BAZ1A: variants seen among roughly 807,000 people sequenced by gnomAD.
BAZ1A encodes the protein bromodomain adjacent to zinc finger domain protein 1A.
A neutral mutation model predicts 185.2 loss-of-function variants in BAZ1A; 50 were observed. That is an observed-to-expected ratio of 0.27 (90% CI 0.22 to 0.34). BAZ1A has a LOEUF of 0.34. Among genes scored for constraint, BAZ1A ranks in the 10% least tolerant of loss-of-function variants. The pLI, the probability that BAZ1A is intolerant of heterozygous loss-of-function variation, is 1.00. For missense variants in BAZ1A, 1,356 were observed against 1,839.9 expected (o/e 0.74, Z 4.81); for synonymous variants, 571 against 615.6 (o/e 0.93, Z 1.07).
In BAZ1A at chr14:34,861,173, G is replaced by A. The variant is rs534688050; in HGVS notation, c.392+871C>T. Among the ~76,000 whole-genome samples the A allele has an allele frequency of 2.6e-5, 4 of 152,136 alleles. No homozygotes were observed. In the South Asian group the frequency reaches 8.3e-4, roughly 32 times the overall value. On this transcript the variant is annotated intron_variant, in intron 3 of 26. Coordinates refer to ENST00000360310, the MANE Select transcript of BAZ1A (RefSeq NM_013448.3). ...AAATTTGTATTCAGGTCAATAATGG[G>A]GGCAGGGCATCCAAAAAACAGTTAA...
intron 4 of BAZ1A, 67 bp from the exon 5 acceptor site, chr14:34,811,103 C>A: frequency 8.6e-7 from 1 of 1,165,108 alleles, no homozygotes; most frequent in Non-Finnish European, 1.2e-6. Flanking sequence ...AAATGAAAAC[C>A]TAGTTTCTAA....
chr14:34,860,036 G>A (rs1326112031), intron 3 of BAZ1A, among the ~76,000 whole-genome samples: 1 of 152,094 alleles, frequency 6.6e-6, no homozygotes, highest in Non-Finnish European at 1.5e-5. Flanking sequence ...AACTAATAAA[G>A]TACTGTTCTC....
chr14:34,846,111 C>T (rs1341517597), intron 3 of BAZ1A, among the ~76,000 whole-genome samples: 3 of 152,114 alleles, frequency 2.0e-5, no homozygotes, highest in African/African-American at 7.2e-5. Flanking sequence ...CCACTGATAA[C>T]TAAGAACTTC....
chr14:34,759,184 T>TTTTGTTGTTTTTG, intron 24 of BAZ1A, among the ~76,000 whole-genome samples: 1 of 108,108 alleles, frequency 9.3e-6, no homozygotes, highest in East Asian at 2.8e-4. Context: ...TTTTTTTTTT[T>TTTTGTTGTTTTTG]TTTTTTTTTT....
intron 17 of BAZ1A, among the ~76,000 whole-genome samples, chr14:34,779,524 A>T (rs1004220051): frequency 2.0e-5 from 3 of 152,168 alleles, no homozygotes; most frequent in Non-Finnish European, 4.4e-5. Context: ...GAAATTTTCT[A>T]TCTACTTAGA....
At chr14:34,811,284 C>T (rs887430739) in intron 4 of BAZ1A, among the ~76,000 whole-genome samples, 6 of 152,006 alleles carry the variant, frequency 3.9e-5, no homozygotes, top group African/African-American at 1.4e-4. Flanking sequence ...AGCTGGGATA[C>T]AGGCATGCAC....
At chr14:34,825,955 A>G in intron 4 of BAZ1A, 58 bp downstream of exon 4, 4 of 1,447,660 alleles carry the variant, frequency 2.8e-6, no homozygotes, top group Non-Finnish European at 2.8e-6. Flanking sequence ...AAGTTATTTC[A>G]ATGGAATATC....
chr14:34,868,372 C>T (rs80025854), intron 2 of BAZ1A, among the ~76,000 whole-genome samples: 5 of 152,100 alleles, frequency 3.3e-5, no homozygotes, highest in South Asian at 2.1e-4. Flanking sequence ...TTCTTAAGAA[C>T]GCACCTGTAA....
chr14:34,834,699 C>G (rs2042301292), intron 3 of BAZ1A, among the ~76,000 whole-genome samples: 1 of 152,128 alleles, frequency 6.6e-6, no homozygotes, highest in Non-Finnish European at 1.5e-5. Context: ...TTATGTTACT[C>G]AAGATGCCAA....
intron 4 of BAZ1A, among the ~76,000 whole-genome samples, chr14:34,815,378 T>TA (rs2138687630): frequency 6.6e-6 from 1 of 152,340 alleles, no homozygotes; most frequent in African/African-American, 2.4e-5. Flanking sequence ...ATAATATTTT[T>TA]AAAAAACTTA....
chr14:34,861,815 T>C (rs753754661), intron 3 of BAZ1A, among the ~76,000 whole-genome samples: 1 of 152,226 alleles, frequency 6.6e-6, no homozygotes, highest in Non-Finnish European at 1.5e-5. Flanking sequence ...AGACACATGT[T>C]ATATATACAC....
In BAZ1A at chr14:34,756,464, C is replaced by CTTTTTTTTTTTTTTTTTT. The variant is rs1343693112; in HGVS notation, c.4387-1551_4387-1550insAAAAAAAAAAAAAAAAAA. ...GACACACTGCACCCAGCCAGAATAC[C>CTTTTTTTTTTTTTTTTTT]TATTTTTTTTTTTTTTTTTTTTTTT... On this transcript the variant is annotated intron_variant, in intron 25 of 26. Transcript: ENST00000360310. Among the ~76,000 whole-genome samples the CTTTTTTTTTTTTTTTTTT allele has an allele frequency of 5.6e-5, 6 of 107,168 alleles. 2 individuals carry two copies. The highest frequency in any genetic ancestry group is 3.6e-5 in the Non-Finnish European group (2 of 55,368). The allele number at this position is 107,168 out of a possible 152,430, so 70.3% of individuals were successfully genotyped here.
intron 4 of BAZ1A, among the ~76,000 whole-genome samples, chr14:34,824,451 T>C (rs920946271): frequency 2.3e-5 from 3 of 132,566 alleles, no homozygotes; most frequent in African/African-American, 8.2e-5. Flanking sequence ...AAAAGACTTA[T>C]ACAGGACCAT....
intron 3 of BAZ1A, among the ~76,000 whole-genome samples, chr14:34,854,974 G>A (rs2042652950): frequency 6.6e-6 from 1 of 152,138 alleles, no homozygotes; most frequent in Non-Finnish European, 1.5e-5. Context: ...AGCTACTCAG[G>A]AGGCTGGGGC....
chr14:34,870,469 T>C (rs2042933393), intron 2 of BAZ1A, among the ~76,000 whole-genome samples: 1 of 152,228 alleles, frequency 6.6e-6, no homozygotes, highest in South Asian at 2.1e-4. Context: ...AGTATAGGAA[T>C]TGGTCAGTAT....
At chr14:34,760,488 C>CTTTT (rs5807795) in intron 24 of BAZ1A, among the ~76,000 whole-genome samples, 2 of 139,590 alleles carry the variant, frequency 1.4e-5, no homozygotes, top group African/African-American at 2.7e-5. Flanking sequence ...AGAACAGTGG[C>CTTTT]TTTTTTTTTT....
intron 3 of BAZ1A, among the ~76,000 whole-genome samples, chr14:34,841,459 T>C (rs1489798908): frequency 6.6e-6 from 1 of 152,170 alleles, no homozygotes; most frequent in East Asian, 1.9e-4. Flanking sequence ...GGTGCAATCT[T>C]GGCTCACTTG....
Position 34,826,112 on chromosome 14 carries a change from T to C in BAZ1A, c.437A>G (p.Asn146Ser). ...ILEVLPPSHQ[N>S]GFANGHVNSV... is the part of the protein sequence containing the mutation. ...GTTAACATGTCCATTAGCAAAACCATTTTGATGTGATGGAGGGAGGACTTC... is the reference window on the plus strand; with the variant it reads ...GTTAACATGTCCATTAGCAAAACCACTTTGATGTGATGGAGGGAGGACTTC... Residue 146 changes from asparagine (N) to serine (S), a missense_variant, in exon 4 of 27, where the codon AAT (asparagine) becomes AGT (serine). Asn to Ser is a conservative substitution (Grantham distance 46). This residue lies in a region of BAZ1A where 332 missense variants were observed against 395.3 expected (regional missense o/e 0.84). Transcript: ENST00000360310. The C allele has an allele frequency of 6.2e-7, 1 of 1,612,760 alleles. No individual in the cohort carries two copies. Among genetic ancestry groups the C allele is most frequent in the Non-Finnish European group, 8.5e-7 (1 of 1,179,400 alleles).
Position 34,764,932 on chromosome 14 carries a change from G to C in BAZ1A, c.3551C>G (p.Thr1184Ser). Residue 1184 changes from threonine (T) to serine (S), a missense_variant and splice_region_variant, in exon 23 of 27, where the codon ACT (threonine) becomes AGT (serine). Thr to Ser is a moderately conservative substitution (Grantham distance 58). This residue lies in a region of BAZ1A where 309 missense variants were observed against 355.3 expected (regional missense o/e 0.87). Coordinates refer to ENST00000360310, the MANE Select transcript of BAZ1A (RefSeq NM_013448.3). ...HTYCVRPKLK[T>S]VPEGDWFCPE... ...ACAAAACCAGTCTCCTTCAGGCACAGTCTGAAAAAATCACATAAATGATCA... is the reference window on the plus strand; with the variant it reads ...ACAAAACCAGTCTCCTTCAGGCACACTCTGAAAAAATCACATAAATGATCA... 6.2e-7 allele frequency: 1 copy of C among 1,613,954 alleles called. No homozygotes were observed. Among genetic ancestry groups the C allele is most frequent in the Non-Finnish European group, 8.5e-7 (1 of 1,179,964 alleles).
Sources: allele counts gnomAD v4.1 joint callset (sites outside exome capture counted in the v4.1 genomes callset), GRCh38; gene constraint gnomAD v4.1.1; regional missense constraint gnomAD v4.1.1; transcripts MANE v1.5; gene names NCBI Gene and HGNC (gene_info 2026-07-23, HGNC 2026-07-21).